The following PABPC4L variants were observed in gnomAD, a reference collection of about 807,000 sequenced individuals.
PABPC4L encodes polyadenylate-binding protein 4-like.
For missense variants in PABPC4L, 452 were observed against 451.4 expected, an observed-to-expected ratio of 1.00 and a Z score of -0.01; for synonymous variants, 169 against 164.1, an observed-to-expected ratio of 1.03 and a Z score of -0.23.
the PABPC4L span, among the ~76,000 whole-genome samples, chr4:134,075,752 A>G: frequency 1.3e-5 from 2 of 152,080 alleles, no homozygotes; most frequent in Admixed American, 6.6e-5. Context: ...TTAAACATCA[A>G]TTACTTGCTT....
At chr4:134,041,374 C>T in the PABPC4L span, among the ~76,000 whole-genome samples, 2 of 152,210 alleles carry the variant, frequency 1.3e-5, no homozygotes, top group South Asian at 2.1e-4. Context: ...CACATATACA[C>T]CATGGAATAC....
the PABPC4L span, among the ~76,000 whole-genome samples, chr4:134,160,417 T>A: frequency 6.6e-6 from 1 of 151,970 alleles, no homozygotes; most frequent in Non-Finnish European, 1.5e-5. Flanking sequence ...CTTAAGACAC[T>A]CCCCCGTGCT....
the PABPC4L span, among the ~76,000 whole-genome samples, chr4:134,167,007 A>C: frequency 3.3e-5 from 5 of 152,096 alleles, no homozygotes; most frequent in Admixed American, 2.6e-4. Context: ...TCTTGGCTTA[A>C]GTGTTTCTTT....
the PABPC4L span, among the ~76,000 whole-genome samples, chr4:133,981,261 C>G: frequency 2.0e-5 from 3 of 152,046 alleles, no homozygotes; most frequent in African/African-American, 7.2e-5. Context: ...TTTAGGCAAC[C>G]CTCAATTAGG....
At chr4:134,006,059 T>C in the PABPC4L span, among the ~76,000 whole-genome samples, 1 of 152,006 alleles carries the variant, frequency 6.6e-6, no homozygotes, top group East Asian at 1.9e-4. Flanking sequence ...ATATACTTAA[T>C]ATATAAGTAA....
At chr4:134,068,655 G>A in the PABPC4L span, among the ~76,000 whole-genome samples, 1 of 151,438 alleles carries the variant, frequency 6.6e-6, no homozygotes, top group Non-Finnish European at 1.5e-5. Context: ...GCTATTAGGT[G>A]TTTTTCCTTT....
At chr4:134,128,125 T>A in the PABPC4L span, among the ~76,000 whole-genome samples, 2 of 152,142 alleles carry the variant, frequency 1.3e-5, no homozygotes, top group East Asian at 1.9e-4. Context: ...AAAAGAATTT[T>A]AAAAAATGAA....
chr4:134,056,133 A>G, the PABPC4L span, among the ~76,000 whole-genome samples: 150,567 of 152,022 alleles, frequency 0.99, 74,568 homozygotes, highest in East Asian at 1. Context: ...GCATATTTAT[A>G]TCGGCCTTTT....
the PABPC4L span, among the ~76,000 whole-genome samples, chr4:134,114,527 A>G: frequency 1.1e-4 from 17 of 151,950 alleles, no homozygotes; most frequent in East Asian, 5.8e-4. Context: ...TACTCAACCA[A>G]TGAGGAACTG....
chr4:134,097,232 T>G, the PABPC4L span, among the ~76,000 whole-genome samples: 1 of 151,904 alleles, frequency 6.6e-6, no homozygotes, highest in Admixed American at 6.6e-5. Context: ...AATTAGAATC[T>G]TAGAGACTCT....
At chr4:134,054,338 T>G in the PABPC4L span, among the ~76,000 whole-genome samples, 4 of 148,602 alleles carry the variant, frequency 2.7e-5, no homozygotes, top group African/African-American at 9.8e-5. Flanking sequence ...AAATAAATTT[T>G]TTTTTATTTT....
the PABPC4L span, among the ~76,000 whole-genome samples, chr4:134,032,729 ACTAT>A: frequency 2.0e-5 from 3 of 151,878 alleles, no homozygotes; most frequent in Non-Finnish European, 2.9e-5. Flanking sequence ...TGAATAAAGA[ACTAT>A]CTAACATCCA....
the PABPC4L span, among the ~76,000 whole-genome samples, chr4:134,011,979 ACT>A: frequency 6.6e-6 from 1 of 150,924 alleles, no homozygotes; most frequent in Admixed American, 6.6e-5. Context: ...GCCCATATGT[ACT>A]CTCACTCTTC....
the PABPC4L span, among the ~76,000 whole-genome samples, chr4:134,044,473 C>A: frequency 6.6e-6 from 1 of 151,898 alleles, no homozygotes; most frequent in Non-Finnish European, 1.5e-5. Flanking sequence ...ACCGTGTTAG[C>A]CAGGATGGTC....
chr4:134,098,873 A>AC, the PABPC4L span, among the ~76,000 whole-genome samples: 3 of 151,712 alleles, frequency 2.0e-5, no homozygotes, highest in East Asian at 5.8e-4. Context: ...AAGGAATAGT[A>AC]AGTCAAATAC....
At chr4:134,078,943 C>A in the PABPC4L span, among the ~76,000 whole-genome samples, 1 of 146,270 alleles carries the variant, frequency 6.8e-6, no homozygotes. Flanking sequence ...ACTGGGATTA[C>A]AGGCGTGAGC....
chr4:134,076,380 A>G, the PABPC4L span, among the ~76,000 whole-genome samples: 1 of 152,184 alleles, frequency 6.6e-6, no homozygotes, highest in Non-Finnish European at 1.5e-5. Flanking sequence ...TTCTGATCAC[A>G]TTCCTTGGAG....
the PABPC4L span, among the ~76,000 whole-genome samples, chr4:134,083,852 AACACAGG>A: frequency 4.8e-3 from 727 of 152,250 alleles, 8 homozygotes; most frequent in African/African-American, 0.016. Flanking sequence ...TTATATCAAA[AACACAGG>A]TATATGTGAT....
the PABPC4L span, among the ~76,000 whole-genome samples, chr4:134,091,822 A>G: frequency 6.6e-6 from 1 of 152,120 alleles, no homozygotes; most frequent in Non-Finnish European, 1.5e-5. Context: ...TTTTCCTAAT[A>G]TTGAATCAGC....
Sources: gnomAD v4.1 joint callset for allele counts (sites outside exome capture counted in the v4.1 genomes callset) on GRCh38, gnomAD v4.1.1 for gene constraint, MANE v1.5 for transcripts, NCBI Gene and HGNC (gene_info 2026-07-23, HGNC 2026-07-21) for gene names.